The following RRM2 variants were observed in gnomAD, a reference collection of about 807,000 sequenced individuals.
RRM2 encodes ribonucleotide reductase regulatory subunit M2, also known as ribonucleoside-diphosphate reductase subunit M2.
A neutral mutation model predicts 45.9 loss-of-function variants in RRM2; 6 were observed. The ratio of observed to expected loss-of-function variants is 0.13; its 90% confidence interval spans 0.07 to 0.26. The LOEUF (loss-of-function observed/expected upper bound fraction) is 0.26. Ranked by LOEUF, RRM2 falls within the 10% of genes least tolerant of loss-of-function variation. The pLI is 1.00. For synonymous variants in RRM2, 177 were observed against 173.0 expected, an observed-to-expected ratio of 1.02 and a Z score of -0.18; for missense variants, 343 against 489.5, an observed-to-expected ratio of 0.70 and a Z score of 2.82.
chr2:10,159,597 G>C (rs538063569), intron 3 of RRM2, among the ~76,000 whole-genome samples: 1 of 152,348 alleles, frequency 6.6e-6, no homozygotes, highest in African/African-American at 2.4e-5. Flanking sequence ...GGTGCAGCAA[G>C]AAAAGAAAGA....
chr2:10,210,562 GGACCCACCATTCTCA>G (rs1455514003), exon 4 of RRM2: 4 of 1,366,454 alleles, frequency 2.9e-6, no homozygotes, highest in Non-Finnish European at 3.9e-6. Context: ...CGGAGCAGGT[GGACCCACCATTCTCA>G]GACCCCCCAG....
chr2:10,132,576 C>T (rs541812888), downstream of RRM2, among the ~76,000 whole-genome samples: 75 of 152,244 alleles, frequency 4.9e-4, 1 homozygote, highest in African/African-American at 1.4e-3. Context: ...AAGCATAAGG[C>T]CTCCAAGGAT....
downstream of RRM2, among the ~76,000 whole-genome samples, chr2:10,131,594 C>T (rs1269976122): frequency 2.6e-5 from 4 of 152,146 alleles, no homozygotes; most frequent in Admixed American, 6.5e-5. Flanking sequence ...CAAAAATTAG[C>T]CTGGCATGGT....
Position 10,195,404 on chromosome 2 carries a change from TGGGGAGCACCGAGTCCCCGCCGTGATGG to T in RRM2, n.483-14905_483-14878del, listed in dbSNP as rs1210909096. On this transcript the variant is annotated intron_variant and non_coding_transcript_variant, in intron 3 of 3. Coordinates refer to the RRM2 transcript ENST00000381786. This position sits in a 1 kb window ranked among gnomAD's most constrained non-coding sequence, Gnocchi z 4.9. Reference sequence around the variant, plus strand: ...TGAGCGGACAGTGCTGGCGGAGCCCTGGGGAGCACCGAGTCCCCGCCGTGATGGGTCCCTGAAGCACCGGAGCCAGCAG... The same window carrying T: ...TGAGCGGACAGTGCTGGCGGAGCCCTGTCCCTGAAGCACCGGAGCCAGCAG... Among the ~76,000 whole-genome samples, 6 of 151,980 alleles carry T rather than the reference TGGGGAGCACCGAGTCCCCGCCGTGATGG, an allele frequency of 3.9e-5. No homozygotes were observed. The highest frequency in any genetic ancestry group is 3.9e-4 in the Admixed American group (6 of 15,252).
In RRM2 at chr2:10,128,900, C is replaced by A. The variant is rs1383963441; in HGVS notation, c.851C>A (p.Pro284Gln). ...ATGTTCAAACACCTGGTACACAAACCATCGGAGGAGAGAGTAAGAGAAATA... is the reference window on the plus strand; with the variant it reads ...ATGTTCAAACACCTGGTACACAAACAATCGGAGGAGAGAGTAAGAGAAATA... ...CLMFKHLVHK[P>Q]SEERVREIII... Residue 284 changes from proline (P) to glutamine (Q), a missense_variant, in exon 8 of 10, where the codon CCA (proline) becomes CAA (glutamine). Physicochemically the swap from Pro to Gln is moderately conservative, Grantham distance 76 (BLOSUM62 -1). Coordinates refer to ENST00000304567, the MANE Select transcript of RRM2 (RefSeq NM_001034.4). The A allele has an allele frequency of 6.2e-7, 1 of 1,613,912 alleles. No homozygotes were observed. The highest frequency in any genetic ancestry group is 8.5e-7 in the Non-Finnish European group (1 of 1,179,932).
Position 10,180,288 on chromosome 2 carries a change from AT to A in RRM2, n.483-30022del, listed in dbSNP as rs375303053. Among the ~76,000 whole-genome samples the A allele has an allele frequency of 1.7e-3, 260 of 152,338 alleles. 3 individuals are homozygous for A. Among genetic ancestry groups the A allele is most frequent in the African/African-American group, 5.6e-3 (233 of 41,562 alleles). On this transcript the variant is annotated intron_variant and non_coding_transcript_variant, in intron 3 of 3. Coordinates refer to the RRM2 transcript ENST00000381786. Reference sequence around the variant, plus strand: ...CTTGTTCACTTGCTTCCAGCAGAAAATAACTTCGCTGTGAGCCTGGAGGTTA... The same window carrying A: ...CTTGTTCACTTGCTTCCAGCAGAAAAAACTTCGCTGTGAGCCTGGAGGTTA...
chr2:10,128,118 TCA>T (rs1263724166), intron 7 of RRM2, among the ~76,000 whole-genome samples: 2 of 152,002 alleles, frequency 1.3e-5, no homozygotes, highest in Non-Finnish European at 2.9e-5. Flanking sequence ...TGAGTCAAGA[TCA>T]CACCACTGCA....
intron 3 of RRM2, among the ~76,000 whole-genome samples, chr2:10,158,849 G>C (rs373841197): frequency 1.3e-5 from 2 of 152,094 alleles, no homozygotes; most frequent in African/African-American, 4.8e-5. Context: ...GGGAGCTCGG[G>C]GTTGGTCAGC....
At chr2:10,200,408 A>G (rs1041768505) in intron 3 of RRM2, among the ~76,000 whole-genome samples, 5 of 150,032 alleles carry the variant, frequency 3.3e-5, no homozygotes, top group Non-Finnish European at 4.5e-5. Context: ...CTGCGCGCAC[A>G]AAATATGAGG....
chr2:10,136,797 C>T (rs1662996383), upstream of RRM2, among the ~76,000 whole-genome samples: 1 of 152,060 alleles, frequency 6.6e-6, no homozygotes, highest in South Asian at 2.1e-4. Context: ...TGGCCATAGC[C>T]CCTGGGAGTC....
At chr2:10,148,330 T>C (rs1178087887) in intron 3 of RRM2, among the ~76,000 whole-genome samples, 1 of 152,168 alleles carries the variant, frequency 6.6e-6, no homozygotes, top group Non-Finnish European at 1.5e-5. Context: ...GTTCTCTTGC[T>C]GAAGTTTTCC....
intron 3 of RRM2, among the ~76,000 whole-genome samples, chr2:10,146,946 GTTTC>G (rs960509382): frequency 1.3e-4 from 20 of 152,190 alleles, no homozygotes; most frequent in African/African-American, 3.4e-4. Flanking sequence ...GTATACTTTA[GTTTC>G]TTTATTTATT....
intron 5 of RRM2, 48 bp downstream of exon 5, chr2:10,124,898 T>A: frequency 6.5e-7 from 1 of 1,542,706 alleles, no homozygotes; most frequent in East Asian, 2.3e-5. Flanking sequence ...CACTAATTGT[T>A]GATTTATTAC....
At chr2:10,164,005 TGTGC>T (rs1002446253) in intron 3 of RRM2, among the ~76,000 whole-genome samples, 4 of 136,160 alleles carry the variant, frequency 2.9e-5, no homozygotes, top group African/African-American at 1.0e-4. Flanking sequence ...CATGTGAATG[TGTGC>T]GTGTGTGTGT....
At chr2:10,148,946 AGTGTCTTGATT>A (rs1663249253) in intron 3 of RRM2, among the ~76,000 whole-genome samples, 1 of 151,842 alleles carries the variant, frequency 6.6e-6, no homozygotes, top group South Asian at 2.1e-4. Context: ...TCTTGTTCTC[AGTGTCTTGATT>A]GTGTCTTGAG....
At chr2:10,177,196 A>G (rs1663934747) in intron 3 of RRM2, among the ~76,000 whole-genome samples, 1 of 152,164 alleles carries the variant, frequency 6.6e-6, no homozygotes, top group Non-Finnish European at 1.5e-5. Context: ...CGGTGAACCA[A>G]GATCGCACCA....
intron 3 of RRM2, among the ~76,000 whole-genome samples, chr2:10,192,449 CTT>C (rs768404500): frequency 6.6e-5 from 10 of 152,214 alleles, no homozygotes; most frequent in Non-Finnish European, 1.0e-4. Flanking sequence ...GGAGAACACA[CTT>C]TGGGAAGCCT....
At chr2:10,141,042 G>A (rs1572496888), upstream of RRM2, among the ~76,000 whole-genome samples, 2 of 152,246 alleles carry the variant, frequency 1.3e-5, no homozygotes, top group Middle Eastern at 3.4e-3. Context: ...CGCCCACGTC[G>A]CTGTCATGTG....
chr2:10,191,723 G>A (rs534819352), intron 3 of RRM2, among the ~76,000 whole-genome samples: 5 of 152,258 alleles, frequency 3.3e-5, no homozygotes, highest in African/African-American at 9.6e-5. Flanking sequence ...GCTAACCTGC[G>A]GGGTCTGGAG....
Sources: gnomAD v4.1 joint callset for allele counts (sites outside exome capture counted in the v4.1 genomes callset) on GRCh38, gnomAD v4.1.1 for gene constraint, Gnocchi (gnomAD v3.1) non-coding constraint, MANE v1.5 for transcripts, NCBI Gene and HGNC (gene_info 2026-07-23, HGNC 2026-07-21) for gene names.